Variants in KIF20B observed in about 807,000 individuals in gnomAD.
KIF20B encodes kinesin-like protein KIF20B.
Under a neutral mutation model 232.5 loss-of-function variants are expected in KIF20B, and 188 were observed. The ratio of observed to expected loss-of-function variants is 0.81; its 90% CI spans 0.72 to 0.91. KIF20B has a LOEUF of 0.91. Ranked by LOEUF, KIF20B falls within the 40% of genes least tolerant of loss-of-function variation. KIF20B has a pLI of 0.00. For synonymous variants in KIF20B, 712 were observed against 683.0 expected, an observed-to-expected ratio of 1.04 and a Z score of -0.66; for missense variants, 2,154 against 2,055.9, an observed-to-expected ratio of 1.05 and a Z score of -0.92.
At chr10:89,742,717 T>G (rs1841827932) in intron 21 of KIF20B, among the ~76,000 whole-genome samples, 1 of 150,304 alleles carries the variant, frequency 6.7e-6, no homozygotes, top group South Asian at 2.1e-4. Context: ...TTTTTTTTTT[T>G]TGGGCGGAGT....
At chr10:89,725,444 TCTTA>T (rs888995503) in intron 15 of KIF20B, among the ~76,000 whole-genome samples, 6 of 152,144 alleles carry the variant, frequency 3.9e-5, no homozygotes, top group African/African-American at 1.4e-4. Context: ...TTGAGATTTG[TCTTA>T]CTTAACATTT....
At chr10:89,711,685 T>G (rs1255710556) in intron 6 of KIF20B, among the ~76,000 whole-genome samples, 3 of 152,086 alleles carry the variant, frequency 2.0e-5, no homozygotes, top group African/African-American at 7.2e-5. Context: ...TATAATTTTT[T>G]TTTTTAAACA....
Position 89,718,721 on chromosome 10 carries a change from A to G in KIF20B, c.1283A>G (p.His428Arg). The change falls in exon 12 of 33, where the codon CAT becomes CGT. Residue 428 changes from histidine to arginine, a missense_variant. Transcript: ENST00000371728. The part of the protein sequence containing the change: ...KNSEKSKFQQ[H>R]VPFRESKLTH... The stretch of plus-strand genomic sequence containing the variant: ...AATTTTTTCTGTAGGTTTCAACAGC[A>G]TGTGCCTTTCCGGGAAAGTAAACTG... The G allele has an allele frequency of 1.2e-6, 2 of 1,608,426 alleles. No individual in the cohort carries two copies. The highest frequency in any genetic ancestry group is 1.7e-6 in the Non-Finnish European group (2 of 1,178,578).
chr10:89,725,081 T>C lies in KIF20B; in HGVS notation c.1924T>C (p.Phe642Leu), dbSNP rs764260171. 5.6e-6 allele frequency: 9 copies of C among 1,613,918 alleles called. No homozygotes were observed. The highest frequency in any genetic ancestry group is 7.6e-6 in the Non-Finnish European group (9 of 1,179,936). Reference protein sequence around the residue: ...EENAERRLAIFKDLVGKCDTR... With the variant: ...EENAERRLAILKDLVGKCDTR... ...AAATGCTGAACGTCGTTTGGCTATC[T>C]TCAAGGATTTGGTTGGTAAATGTGA... Residue 642 changes from phenylalanine (F) to leucine (L), a missense_variant, in exon 15 of 33, where the codon TTC (phenylalanine) becomes CTC (leucine). By Grantham distance (22) the Phe-to-Leu change is conservative (BLOSUM62 0). Coordinates refer to ENST00000371728, the MANE Select transcript of KIF20B (RefSeq NM_001284259.2).
intron 6 of KIF20B, 30 bp downstream of exon 6, chr10:89,711,175 G>T: frequency 2.2e-6 from 3 of 1,346,228 alleles, no homozygotes; most frequent in Non-Finnish European, 3.0e-6. Flanking sequence ...TGTAAAATAT[G>T]TATAATTCCT....
intron 21 of KIF20B, among the ~76,000 whole-genome samples, chr10:89,742,769 G>A (rs1480523792): frequency 1.4e-5 from 2 of 143,384 alleles, no homozygotes; most frequent in Non-Finnish European, 3.0e-5. Flanking sequence ...GCGTGATCTC[G>A]GCTCACTGCA....
chr10:89,717,044 G>C (rs1205944744), intron 9 of KIF20B, among the ~76,000 whole-genome samples: 1 of 152,168 alleles, frequency 6.6e-6, no homozygotes, highest in Admixed American at 6.5e-5. Context: ...GACAATACAA[G>C]ATCCGGATCT....
At chr10:89,708,364 A>G (rs1842769696) in intron 2 of KIF20B, among the ~76,000 whole-genome samples, 1 of 152,040 alleles carries the variant, frequency 6.6e-6, no homozygotes, top group Non-Finnish European at 1.5e-5. Context: ...GGCATGCACC[A>G]CCATGCCTGG....
At chr10:89,713,931 G>A (rs963267784) in intron 6 of KIF20B, 116 bp from the exon 7 acceptor site, 3 of 415,536 alleles carry the variant, frequency 7.2e-6, no homozygotes, top group African/African-American at 6.2e-5. Context: ...TCATTGAATT[G>A]AGTAGATGAA....
intron 26 of KIF20B, among the ~76,000 whole-genome samples, chr10:89,757,040 G>GTGTGTGTATATATA (rs1301847520): frequency 1.5e-4 from 17 of 110,736 alleles, no homozygotes; most frequent in Admixed American, 5.8e-4. Flanking sequence ...GTGTGTGTGT[G>GTGTGTGTATATATA]TATATATATA....
At chr10:89,729,380 A>G in intron 18 of KIF20B, 133 bp downstream of exon 18, 1 of 900,364 alleles carries the variant, frequency 1.1e-6, no homozygotes, top group Non-Finnish European at 1.5e-6. Flanking sequence ...GCAACATTGA[A>G]CTCAATTTAC....
rs1208416129 is a variant in KIF20B at position 89,737,867 on chromosome 10, T to G, written c.3026T>G (p.Leu1009Arg). 10 of 1,613,412 alleles carry G rather than the reference T, an allele frequency of 6.2e-6. No individual in the cohort carries two copies. The highest frequency in any genetic ancestry group is 6.8e-6 in the Non-Finnish European group (8 of 1,179,584). The change falls in exon 20 of 33, where the codon CTC becomes CGC. Residue 1009 changes from leucine (L) to arginine (R), a missense_variant. By Grantham distance (102) the Leu-to-Arg change is moderately radical (BLOSUM62 -2). Coordinates refer to ENST00000371728, the MANE Select transcript of KIF20B (RefSeq NM_001284259.2). ...ATTTCAAACATAGATTTGCTCAATC[T>G]CAGGGATCTGTCAAATGGTTCTGAG... ...SQISNIDLLN[L>R]RDLSNGSEED...
At chr10:89,728,954 AT>A (rs1843257343) in intron 17 of KIF20B, among the ~76,000 whole-genome samples, 173 bp from the exon 18 acceptor site, 1 of 109,204 alleles carries the variant, frequency 9.2e-6, no homozygotes, top group African/African-American at 3.4e-5. Flanking sequence ...TGTGTATGTA[AT>A]TTTTTTAAAG....
chr10:89,716,587 A>G (rs1842939679), intron 9 of KIF20B, 40 bp downstream of exon 9: 1 of 944,934 alleles, frequency 1.1e-6, no homozygotes. Context: ...CGAATCACCG[A>G]TAGTATTCTG....
intron 2 of KIF20B, among the ~76,000 whole-genome samples, chr10:89,708,289 G>A (rs1193483392): frequency 5.9e-5 from 9 of 151,368 alleles, no homozygotes; most frequent in African/African-American, 1.7e-4. Context: ...TTGGCTCACC[G>A]CAATCTCTGC....
chr10:89,743,884 C>T lies in KIF20B; in HGVS notation c.3992C>T (p.Ser1331Phe), dbSNP rs754819247. The change falls in exon 22 of 33, where the codon TCT becomes TTT. Residue 1331 changes from serine to phenylalanine, a missense_variant. Ser to Phe is a radical substitution (Grantham distance 155, BLOSUM62 -2). Transcript: ENST00000371728. ...NELEKKKNQC[S>F]QELDMKQRTI... Reference sequence around the variant, plus strand: ...CTGGAGAAAAAGAAAAACCAGTGTTCTCAGGAATTAGATATGAAACAGCGA... The same window carrying T: ...CTGGAGAAAAAGAAAAACCAGTGTTTTCAGGAATTAGATATGAAACAGCGA... 1 of 1,590,390 alleles carries T rather than the reference C, an allele frequency of 6.3e-7. No individual in the cohort carries two copies. The highest frequency in any genetic ancestry group is 8.5e-7 in the Non-Finnish European group (1 of 1,170,756).
rs375953320 is a variant in KIF20B at position 89,737,737 on chromosome 10, A to C, written c.2896A>C (p.Asn966His). ...EQEEKIMKLS[N>H]EIETATRSIT... ...GGAGGAAAAGATCATGAAATTGTCA[A>C]ATGAGATAGAAACTGCTACAAGAAG... The change falls in exon 20 of 33, where the codon AAT becomes CAT. Residue 966 changes from asparagine (N) to histidine (H), a missense_variant. Transcript: ENST00000371728. 9.9e-6 allele frequency: 16 copies of C among 1,612,474 alleles called. No homozygotes were observed. The highest frequency in any genetic ancestry group is 1.4e-5 in the Non-Finnish European group (16 of 1,179,280).
chr10:89,740,741 A>G (rs1841779167), intron 21 of KIF20B, among the ~76,000 whole-genome samples: 1 of 152,126 alleles, frequency 6.6e-6, no homozygotes, highest in African/African-American at 2.4e-5. Flanking sequence ...GCTCACTGTA[A>G]CTTTGAACTC....
In KIF20B at chr10:89,726,338, CA is replaced by C. The variant is rs760552410; in HGVS notation, c.2049del (p.Asp684IlefsTer30). 2.4e-5 allele frequency: 38 copies of C among 1,551,434 alleles called. No homozygotes were observed. The Admixed American group carries it at 6.9e-4, about 28-fold the overall frequency. ...ATTTGAAGATATTATTGATTCTCTT[CA>C]AGATAATGTTGCTGATATTAAGAAA... ...VGFEDIIDSL[Q>X]DNVADIKKQA... On this transcript the variant is annotated frameshift_variant, in exon 16 of 33. Coordinates refer to ENST00000371728, the MANE Select transcript of KIF20B (RefSeq NM_001284259.2). LOFTEE classifies it high-confidence loss of function.
Sources: gnomAD v4.1 joint callset for allele counts (sites outside exome capture counted in the v4.1 genomes callset) on GRCh38, gnomAD v4.1.1 for gene constraint, MANE v1.5 for transcripts, NCBI Gene and HGNC (gene_info 2026-07-23, HGNC 2026-07-21) for gene names.